PCBD2: variants seen among roughly 807,000 people sequenced by gnomAD.
PCBD2 encodes the protein pterin-4 alpha-carbinolamine dehydratase 2.
A neutral mutation model predicts 16.4 loss-of-function variants in PCBD2; 12 were observed. The ratio of observed to expected loss-of-function variants is 0.73; its 90% CI spans 0.47 to 1.19. PCBD2 has a LOEUF of 1.19. Ranked by LOEUF, PCBD2 falls within the 50% of genes most tolerant of loss-of-function variation. The pLI, the probability that PCBD2 is intolerant of heterozygous loss-of-function variation, is 0.00. For missense variants in PCBD2, 138 were observed against 156.8 expected, an observed-to-expected ratio of 0.88 and a Z score of 0.64; for synonymous variants, 58 against 61.8, an observed-to-expected ratio of 0.94 and a Z score of 0.29.
At chr5:134,956,647 C>T (rs73284719) in intron 2 of PCBD2, among the ~76,000 whole-genome samples, 2,171 of 152,268 alleles carry the variant, frequency 0.014, 52 homozygotes, top group African/African-American at 0.05. Flanking sequence ...GATGTTACCC[C>T]ACAATGTATT....
chr5:134,936,154 C>T (rs767662874), intron 2 of PCBD2, among the ~76,000 whole-genome samples: 10 of 152,154 alleles, frequency 6.6e-5, no homozygotes, highest in South Asian at 2.1e-4. Flanking sequence ...TATTTCTTGG[C>T]GAATTTTAAT....
Position 134,925,025 on chromosome 5 carries a change from G to C in PCBD2, c.216+14559G>C, listed in dbSNP as rs188282196. On this transcript the variant is annotated intron_variant, in intron 2 of 3. Coordinates refer to ENST00000254908, the MANE Select transcript of PCBD2 (RefSeq NM_032151.5). ...TTTAAGTAAAGTGGGATTGTCATTT[G>C]GGGGGTGGATGTGGGGAGAATGCTG... is the stretch of plus-strand genomic sequence containing the variant. 2,122 of 394,324 alleles carry C rather than the reference G, an allele frequency of 5.4e-3. 8 individuals are homozygous for C. Among genetic ancestry groups the C allele is most frequent in the Middle Eastern group, 0.013 (20 of 1,562 alleles). 24.4% of individuals were successfully genotyped at this position (394,324 alleles called of 1,614,324 possible). A position where few individuals can be genotyped will look rare whatever the true frequency, so the allele number is the denominator to read the frequency against.
intron 2 of PCBD2, chr5:134,928,417 T>G (rs1751047775): frequency 5.6e-6 from 2 of 354,918 alleles, no homozygotes; most frequent in East Asian, 7.5e-5. Context: ...ACCCTTTTTA[T>G]AATCATTCGT....
chr5:134,927,135 A>G, intron 2 of PCBD2: 1 of 398,434 alleles, frequency 2.5e-6, no homozygotes, highest in East Asian at 3.6e-5. Context: ...TTGGATGAGG[A>G]TGGCTGTTAC....
chr5:134,925,992 A>G (rs1317864015), intron 2 of PCBD2: 3 of 385,878 alleles, frequency 7.8e-6, no homozygotes, highest in Non-Finnish European at 9.2e-6. Flanking sequence ...CGTATCATCA[A>G]CTAATGAGTA....
At chr5:134,910,025 G>A (rs1333912008) in intron 1 of PCBD2, among the ~76,000 whole-genome samples, 1 of 152,176 alleles carries the variant, frequency 6.6e-6, no homozygotes, top group Non-Finnish European at 1.5e-5. Flanking sequence ...AGCTGTGATT[G>A]CACCACTACG....
At chr5:134,916,060 G>T (rs1431535588) in intron 2 of PCBD2, among the ~76,000 whole-genome samples, 1 of 152,210 alleles carries the variant, frequency 6.6e-6, no homozygotes, top group African/African-American at 2.4e-5. Flanking sequence ...AGGCCGAGTT[G>T]AGTGGGTTGC....
chr5:134,927,589 G>A (rs1490144612), intron 2 of PCBD2: 1 of 397,016 alleles, frequency 2.5e-6, no homozygotes, highest in Non-Finnish European at 4.4e-6. Context: ...GTGTAGAATA[G>A]GAAGTATGTA....
At chr5:134,916,741 G>A (rs1203546890) in intron 2 of PCBD2, among the ~76,000 whole-genome samples, 1 of 152,210 alleles carries the variant, frequency 6.6e-6, no homozygotes, top group Non-Finnish European at 1.5e-5. Context: ...GAGTTTTCAA[G>A]GGATTCTCCT....
In PCBD2 at chr5:134,962,263, T is replaced by A. The variant is rs1314474500; in HGVS notation, c.*1582T>A. Reference sequence around the variant, plus strand: ...TGCATCACCACACCTGGCTTATTTTTAAAACTTTTTTGTGGAGACAGGGTC... The same window carrying A: ...TGCATCACCACACCTGGCTTATTTTAAAAACTTTTTTGTGGAGACAGGGTC... On this transcript the variant is annotated 3_prime_UTR_variant, in exon 4 of 4. Coordinates refer to ENST00000254908, the MANE Select transcript of PCBD2 (RefSeq NM_032151.5). 1.3e-5 allele frequency among the ~76,000 whole-genome samples: 2 copies of A among 152,094 alleles called. No individual in the cohort carries two copies. The highest frequency in any genetic ancestry group is 4.8e-5 in the African/African-American group (2 of 41,392).
chr5:134,931,195 G>A (rs947902023), intron 2 of PCBD2, among the ~76,000 whole-genome samples: 3 of 152,120 alleles, frequency 2.0e-5, no homozygotes, highest in Non-Finnish European at 4.4e-5. Flanking sequence ...TGGCCACCGC[G>A]CCGGCCTTCT....
chr5:134,954,898 C>T (rs1751397567), intron 2 of PCBD2, among the ~76,000 whole-genome samples: 1 of 151,878 alleles, frequency 6.6e-6, no homozygotes, highest in Non-Finnish European at 1.5e-5. Context: ...CGCACTGCCA[C>T]ATCCAGCTAA....
intron 2 of PCBD2, among the ~76,000 whole-genome samples, chr5:134,938,034 CT>C (rs749237539): frequency 4.6e-5 from 7 of 152,150 alleles, no homozygotes; most frequent in Admixed American, 3.9e-4. Flanking sequence ...AATGGAATTG[CT>C]TTTGGTGCAG....
At chr5:134,928,476 C>A (rs772355157) in intron 2 of PCBD2, 1 of 318,488 alleles carries the variant, frequency 3.1e-6, no homozygotes, top group Non-Finnish European at 5.8e-6. Flanking sequence ...GACGATGTGA[C>A]TATTAGTGGT....
intron 2 of PCBD2, among the ~76,000 whole-genome samples, chr5:134,914,084 C>T (rs1282521947): frequency 6.6e-6 from 1 of 151,998 alleles, no homozygotes; most frequent in African/African-American, 2.4e-5. Context: ...TGTGAGTTGT[C>T]AGAGGGGATC....
intron 2 of PCBD2, among the ~76,000 whole-genome samples, chr5:134,936,867 A>G (rs1038922097): frequency 6.6e-6 from 1 of 152,170 alleles, no homozygotes; most frequent in Non-Finnish European, 1.5e-5. Flanking sequence ...TCTCTCTTCA[A>G]CTCAGAGATG....
chr5:134,928,226 T>C (rs932568232), intron 2 of PCBD2: 2 of 389,246 alleles, frequency 5.1e-6, no homozygotes, highest in African/African-American at 4.1e-5. Context: ...TATTATTCCT[T>C]CTAGGCATAG....
At chr5:134,942,364 C>T (rs954982187) in intron 2 of PCBD2, among the ~76,000 whole-genome samples, 1 of 152,096 alleles carries the variant, frequency 6.6e-6, no homozygotes, top group Non-Finnish European at 1.5e-5. Flanking sequence ...AGCCTCAGTT[C>T]TCTTCTCTGT....
chr5:134,951,901 C>G (rs2149539849), intron 2 of PCBD2, among the ~76,000 whole-genome samples: 1 of 151,862 alleles, frequency 6.6e-6, no homozygotes, highest in East Asian at 1.9e-4. Flanking sequence ...TTATCTTTTG[C>G]TTTTGTTTGT....
Sources: allele counts gnomAD v4.1 joint callset (sites outside exome capture counted in the v4.1 genomes callset), GRCh38; gene constraint gnomAD v4.1.1; transcripts MANE v1.5; gene names NCBI Gene and HGNC (gene_info 2026-07-23, HGNC 2026-07-21).